The following CHST9 variants were observed in gnomAD, a reference collection of about 807,000 sequenced individuals.
CHST9 encodes carbohydrate sulfotransferase 9.
A neutral mutation model predicts 44.4 loss-of-function variants in CHST9; 41 were observed. That is an observed-to-expected ratio of 0.92 (90% CI 0.72 to 1.20). The LOEUF is 1.20. CHST9 is among the 50% of genes most tolerant of loss of function. CHST9 has a pLI of 0.00. For missense variants in CHST9, 504 were observed against 516.5 expected (o/e 0.98, Z 0.23); for synonymous variants, 171 against 178.4 (o/e 0.96, Z 0.33).
At chr18:27,161,993 T>C (rs1478061767) in intron 1 of CHST9, among the ~76,000 whole-genome samples, 1 of 151,610 alleles carries the variant, frequency 6.6e-6, no homozygotes. Context: ...ATTTTGAGCC[T>C]ATGTGTGTCT....
intron 2 of CHST9, among the ~76,000 whole-genome samples, chr18:27,128,432 G>A (rs1265735734): frequency 2.0e-5 from 3 of 152,072 alleles, no homozygotes; most frequent in African/African-American, 7.2e-5. Context: ...ATGACGCCCG[G>A]CTAATTTTTG....
chr18:27,161,340 C>G (rs1485127997), intron 1 of CHST9, among the ~76,000 whole-genome samples: 2 of 152,108 alleles, frequency 1.3e-5, no homozygotes, highest in Non-Finnish European at 2.9e-5. Flanking sequence ...CAAAGAACAT[C>G]TTTATTTCTG....
chr18:27,002,047 A>C (rs572246935), intron 4 of CHST9, among the ~76,000 whole-genome samples: 3 of 144,970 alleles, frequency 2.1e-5, no homozygotes, highest in Non-Finnish European at 4.6e-5. Context: ...TTGACAAAGT[A>C]AAAAAAAAAA....
At chr18:27,107,050 C>T (rs2058227496) in intron 2 of CHST9, among the ~76,000 whole-genome samples, 1 of 151,776 alleles carries the variant, frequency 6.6e-6, no homozygotes, top group African/African-American at 2.4e-5. Flanking sequence ...ATGGGAAAGG[C>T]CATTGGGAAG....
rs34211889 is a variant in CHST9 at position 26,982,339 on chromosome 18, C to CT, written c.203-37974dup. 3.6e-3 allele frequency among the ~76,000 whole-genome samples: 483 copies of CT among 133,706 alleles called. 3 individuals are homozygous for CT. The highest frequency in any genetic ancestry group is 7.1e-3 in the African/African-American group (255 of 35,810). 87.7% of individuals were successfully genotyped at this position (133,706 alleles called of 152,430 possible). ...TTTATCAAAGCTAAACTCCTTTTACCTTTTTTTTTTTTTTTTGCCCTCTGC... is the reference window on the plus strand; with the variant it reads ...TTTATCAAAGCTAAACTCCTTTTACCTTTTTTTTTTTTTTTTTGCCCTCTGC... On this transcript the variant is annotated intron_variant, in intron 4 of 5. Coordinates refer to ENST00000618847, the MANE Select transcript of CHST9 (RefSeq NM_031422.6).
At chr18:27,100,492 G>A (rs932126834) in intron 2 of CHST9, among the ~76,000 whole-genome samples, 2 of 152,184 alleles carry the variant, frequency 1.3e-5, no homozygotes, top group Admixed American at 6.5e-5. Flanking sequence ...CCTATGGAAG[G>A]AAGAATAAGA....
chr18:27,042,399 C>T (rs751463891), intron 3 of CHST9, among the ~76,000 whole-genome samples: 1 of 152,040 alleles, frequency 6.6e-6, no homozygotes, highest in Non-Finnish European at 1.5e-5. Context: ...TAGTGTTTGC[C>T]AATCTCCATG....
intron 5 of CHST9, among the ~76,000 whole-genome samples, chr18:26,937,886 C>T (rs1444059417): frequency 2.0e-5 from 3 of 152,166 alleles, no homozygotes; most frequent in South Asian, 2.1e-4. Flanking sequence ...AATCTGATTT[C>T]AAGCCTGAGT....
At chr18:26,991,671 C>T (rs1248003150) in intron 4 of CHST9, among the ~76,000 whole-genome samples, 1 of 130,712 alleles carries the variant, frequency 7.7e-6, no homozygotes, top group African/African-American at 2.6e-5. Context: ...GAAGCACCTG[C>T]CAGTGAAAGC....
intron 2 of CHST9, among the ~76,000 whole-genome samples, chr18:27,142,345 G>A (rs956171244): frequency 1.3e-5 from 2 of 152,120 alleles, no homozygotes; most frequent in Non-Finnish European, 2.9e-5. Context: ...TACATTCAGG[G>A]CCTTTTAGGC....
chr18:27,040,666 A>G (rs8084423), intron 3 of CHST9, among the ~76,000 whole-genome samples: 91,706 of 151,954 alleles, frequency 0.6, 27,853 homozygotes, highest in East Asian at 0.74. Context: ...TTAAATAATC[A>G]GACAATGTAT....
intron 4 of CHST9, among the ~76,000 whole-genome samples, chr18:27,007,920 A>G (rs1015139968): frequency 1.3e-5 from 2 of 152,186 alleles, no homozygotes; most frequent in Admixed American, 6.5e-5. Context: ...ATTCAGGAAG[A>G]TCATTTACTG....
intron 4 of CHST9, among the ~76,000 whole-genome samples, chr18:26,982,202 C>G (rs1420762223): frequency 2.0e-5 from 3 of 152,178 alleles, no homozygotes; most frequent in Non-Finnish European, 2.9e-5. Flanking sequence ...TTCCTCGTCT[C>G]TTCATCCACA....
At chr18:26,939,663 G>A (rs1191635517) in intron 5 of CHST9, among the ~76,000 whole-genome samples, 1 of 152,108 alleles carries the variant, frequency 6.6e-6, no homozygotes, top group Non-Finnish European at 1.5e-5. Flanking sequence ...GGGACTAGGA[G>A]GCTTAAGAAG....
At chr18:27,065,035 C>G (rs1187811677) in intron 2 of CHST9, among the ~76,000 whole-genome samples, 2 of 152,166 alleles carry the variant, frequency 1.3e-5, no homozygotes, top group Non-Finnish European at 2.9e-5. Flanking sequence ...TCGCCTGAAG[C>G]TTTTCTTCCT....
chr18:27,172,873 A>G (rs2058843298), intron 1 of CHST9, among the ~76,000 whole-genome samples: 1 of 152,040 alleles, frequency 6.6e-6, no homozygotes, highest in Non-Finnish European at 1.5e-5. Context: ...TTAAGATATA[A>G]GAAGAGCTAC....
chr18:27,098,435 A>T (rs146473459), intron 2 of CHST9, among the ~76,000 whole-genome samples: 10,295 of 152,214 alleles, frequency 0.068, 441 homozygotes, highest in East Asian at 0.14. Flanking sequence ...CATTTGACCC[A>T]GCAATCCCAT....
intron 2 of CHST9, among the ~76,000 whole-genome samples, chr18:27,084,955 T>C (rs1029029474): frequency 3.1e-5 from 4 of 128,626 alleles, no homozygotes; most frequent in African/African-American, 1.2e-4. Flanking sequence ...AATTATATGG[T>C]TTGGAGAGAT....
intron 3 of CHST9, among the ~76,000 whole-genome samples, chr18:27,029,102 G>A (rs760375743): frequency 4.6e-5 from 7 of 152,120 alleles, no homozygotes; most frequent in Non-Finnish European, 8.8e-5. Flanking sequence ...TGGGTTGGGT[G>A]TGCTGCTGCA....
Sources: allele counts gnomAD v4.1 joint callset (sites outside exome capture counted in the v4.1 genomes callset), GRCh38; gene constraint gnomAD v4.1.1; transcripts MANE v1.5; gene names NCBI Gene and HGNC (gene_info 2026-07-23, HGNC 2026-07-21).